PHLDB2: variants seen among roughly 807,000 people sequenced by gnomAD.
The protein encoded by PHLDB2 is pleckstrin homology-like domain family B member 2.
PHLDB2 carries 71 observed loss-of-function variants against 123.6 expected under a neutral mutation model. The ratio of observed to expected loss-of-function variants is 0.57; its 90% CI spans 0.47 to 0.70. PHLDB2 has a LOEUF of 0.70. Among genes scored for constraint, PHLDB2 ranks in the 30% least tolerant of loss-of-function variants. The pLI, the probability that PHLDB2 is intolerant of heterozygous loss-of-function variation, is 0.00. For missense variants in PHLDB2, 1,446 were observed against 1,519.5 expected, an observed-to-expected ratio of 0.95 and a Z score of 0.80; for synonymous variants, 547 against 541.6, an observed-to-expected ratio of 1.01 and a Z score of -0.14.
chr3:111,803,287 T>A (rs1049495096), intron 1 of PHLDB2, among the ~76,000 whole-genome samples: 3 of 152,160 alleles, frequency 2.0e-5, no homozygotes, highest in African/African-American at 7.2e-5. Context: ...AGAGTGCCTC[T>A]CCCTCACTGA....
At chr3:111,925,642 C>T (rs2068769277) in intron 5 of PHLDB2, among the ~76,000 whole-genome samples, 1 of 152,138 alleles carries the variant, frequency 6.6e-6, no homozygotes, top group Non-Finnish European at 1.5e-5. Context: ...ATTTAATGGG[C>T]CTGGTGACAG....
chr3:111,852,270 CCT>C (rs139608690), intron 2 of PHLDB2, among the ~76,000 whole-genome samples: 5,800 of 149,046 alleles, frequency 0.039, 328 homozygotes, highest in East Asian at 0.23. Flanking sequence ...TGGCATTCTC[CCT>C]CTCTCTCTCG....
chr3:111,972,099 C>T (rs1436309226), intron 16 of PHLDB2, among the ~76,000 whole-genome samples: 1 of 152,156 alleles, frequency 6.6e-6, no homozygotes, highest in Non-Finnish European at 1.5e-5. Flanking sequence ...CTTCTGCTTG[C>T]TTGAAACACT....
intron 2 of PHLDB2, among the ~76,000 whole-genome samples, chr3:111,894,067 C>G (rs1455551766): frequency 1.0e-5 from 1 of 97,048 alleles, no homozygotes; most frequent in African/African-American, 3.8e-5. Context: ...CCCCTCCCCC[C>G]ACCCCACAAC....
At chr3:111,871,871 TC>T (rs2065357346) in intron 1 of PHLDB2, among the ~76,000 whole-genome samples, 2 of 152,310 alleles carry the variant, frequency 1.3e-5, no homozygotes, top group African/African-American at 4.8e-5. Flanking sequence ...GAAAGGAATC[TC>T]CCAAAGAACT....
At chr3:111,967,992 A>T (rs1311605177) in intron 15 of PHLDB2, among the ~76,000 whole-genome samples, 168 bp downstream of exon 15, 5 of 151,524 alleles carry the variant, frequency 3.3e-5, no homozygotes, top group African/African-American at 9.7e-5. Flanking sequence ...AAAAAAAAAA[A>T]AAAAAAATGT....
intron 1 of PHLDB2, among the ~76,000 whole-genome samples, chr3:111,868,970 C>G (rs892577142): frequency 4.6e-5 from 7 of 152,246 alleles, no homozygotes; most frequent in Admixed American, 3.9e-4. Flanking sequence ...TTAAAAAATC[C>G]CTATGATTGA....
intron 4 of PHLDB2, among the ~76,000 whole-genome samples, 178 bp downstream of exon 4, chr3:111,919,393 CT>C (rs3830404): frequency 1.3e-5 from 2 of 151,158 alleles, no homozygotes; most frequent in African/African-American, 4.9e-5. Context: ...TTTTTTCTTT[CT>C]TTTTTTTTCC....
intron 1 of PHLDB2, among the ~76,000 whole-genome samples, chr3:111,796,466 A>G (rs1424536703): frequency 6.6e-6 from 1 of 152,150 alleles, no homozygotes; most frequent in African/African-American, 2.4e-5. Context: ...TCCTTAAACC[A>G]ATCTCTGAAT....
intron 1 of PHLDB2, among the ~76,000 whole-genome samples, chr3:111,808,110 T>G (rs1260038909): frequency 2.0e-5 from 3 of 152,056 alleles, no homozygotes; most frequent in African/African-American, 7.2e-5. Flanking sequence ...CATTGGTGAT[T>G]TTAAAGTTTC....
intron 12 of PHLDB2, among the ~76,000 whole-genome samples, chr3:111,959,139 G>A (rs13061421): frequency 0.62 from 93,797 of 152,204 alleles, 31,516 homozygotes; most frequent in East Asian, 0.9. Flanking sequence ...CTTCTATGAC[G>A]TTTCCTCTGT....
Position 111,966,651 on chromosome 3 carries a change from A to G in PHLDB2, c.3116A>G (p.Glu1039Gly). The change falls in exon 14 of 18, where the codon GAG becomes GGG. Residue 1039 changes from glutamate (E) to glycine (G), a missense_variant. By Grantham distance (98) the Glu-to-Gly change is moderately conservative. Transcript: ENST00000431670. ...AATATTGCTAGAATAGAAGAAATGGAGAGACTTTTGAAGCAGGCTCATGCA... is the reference window on the plus strand; with the variant it reads ...AATATTGCTAGAATAGAAGAAATGGGGAGACTTTTGAAGCAGGCTCATGCA... ...TSNIARIEEMERLLKQAHAEK... is the reference protein window; with the variant it reads ...TSNIARIEEMGRLLKQAHAEK... 1 of 1,613,516 alleles carries G rather than the reference A, an allele frequency of 6.2e-7. No individual in the cohort carries two copies. Among genetic ancestry groups the G allele is most frequent in the Non-Finnish European group, 8.5e-7 (1 of 1,179,668 alleles).
At chr3:111,972,304 A>G (rs1329385342) in intron 16 of PHLDB2, among the ~76,000 whole-genome samples, 5 of 152,198 alleles carry the variant, frequency 3.3e-5, no homozygotes, top group Non-Finnish European at 4.4e-5. Flanking sequence ...CACAAGGAAG[A>G]GGAAAAACAA....
rs1161907630 is a variant in PHLDB2, at chr3:111,940,576, T to A, written c.2328T>A (p.Val776=). 2 of 1,603,466 alleles carry A rather than the reference T, an allele frequency of 1.2e-6. No homozygotes were observed. Among genetic ancestry groups the A allele is most frequent in the African/African-American group, 2.7e-5 (2 of 74,432 alleles). The change falls in exon 8 of 18, where the codon GTT becomes GTA. Residue 776 remains valine, a synonymous_variant. Coordinates refer to ENST00000431670, the MANE Select transcript of PHLDB2 (RefSeq NM_001134438.2). ...TGAAAAAGCAAGCCAATCACATTGT[T>A]CAGCAGGCTCAGAGAGAGCAAGATC... ...SALKKQANHI[V]QQAQREQDHF...
chr3:111,829,514 A>C (rs1195010144), intron 1 of PHLDB2, among the ~76,000 whole-genome samples: 2 of 127,488 alleles, frequency 1.6e-5, no homozygotes, highest in African/African-American at 6.2e-5. Context: ...ACCAGGCTGG[A>C]GTACAGTGGT....
At chr3:111,848,516 C>G (rs1045142208) in intron 2 of PHLDB2, among the ~76,000 whole-genome samples, 11 of 152,308 alleles carry the variant, frequency 7.2e-5, no homozygotes, top group East Asian at 1.9e-4. Flanking sequence ...TTTGACCCCC[C>G]CAAACAGCAC....
At chr3:111,803,369 C>T (rs1328098719) in intron 1 of PHLDB2, among the ~76,000 whole-genome samples, 1 of 152,196 alleles carries the variant, frequency 6.6e-6, no homozygotes, top group Admixed American at 6.5e-5. Context: ...TCTGTTCTAG[C>T]CAAAGCTCTT....
At chr3:111,791,172 A>C (rs559986467) in intron 1 of PHLDB2, among the ~76,000 whole-genome samples, 56 of 152,314 alleles carry the variant, frequency 3.7e-4, no homozygotes, top group African/African-American at 1.3e-3. Context: ...TTTGTTCTTA[A>C]CCAATATTCT....
intron 1 of PHLDB2, among the ~76,000 whole-genome samples, chr3:111,839,248 T>C (rs1157694439): frequency 2.0e-5 from 3 of 152,208 alleles, no homozygotes; most frequent in East Asian, 3.8e-4. Context: ...TAACACATGT[T>C]CCTAGATTGC....
Sources: gnomAD v4.1 joint callset for allele counts (sites outside exome capture counted in the v4.1 genomes callset) on GRCh38, gnomAD v4.1.1 for gene constraint, MANE v1.5 for transcripts, NCBI Gene and HGNC (gene_info 2026-07-23, HGNC 2026-07-21) for gene names.